ABCB7: variants seen among roughly 807,000 people sequenced by gnomAD.
ABCB7 encodes ATP binding cassette subfamily B member 7, also known as iron-sulfur clusters transporter ABCB7, mitochondrial.
In ABCB7, 7 loss-of-function variants were observed where a neutral mutation model predicts 54.4. That is an observed-to-expected ratio of 0.13 (90% CI 0.07 to 0.24). The LOEUF (loss-of-function observed/expected upper bound fraction) is 0.24. Among genes scored for constraint, ABCB7 ranks in the 10% least tolerant of loss-of-function variants. The pLI is 1.00. For missense variants in ABCB7, 356 were observed against 570.4 expected, an observed-to-expected ratio of 0.62 and a Z score of 3.83; for synonymous variants, 218 against 207.1, an observed-to-expected ratio of 1.05 and a Z score of -0.45.
At chrX:75,139,233 G>A (rs2082037502) in intron 1 of ABCB7, among the ~76,000 whole-genome samples, 1 of 111,072 alleles carries the variant, frequency 9.0e-6, no homozygotes, top group African/African-American at 3.3e-5. Flanking sequence ...AAACACCCTT[G>A]GAATGGTATT....
intron 1 of ABCB7, among the ~76,000 whole-genome samples, chrX:75,115,266 C>CAAAAAAAAAAAAAAAAA (rs1160024642): frequency 3.8e-4 from 5 of 13,250 alleles, no homozygotes; most frequent in Admixed American, 2.0e-3. Flanking sequence ...GACTCTGTCT[C>CAAAAAAAAAAAAAAAAA]AAAAAAAAAA....
Position 75,115,410 on chromosome X carries a change from C to CTTTTTT in ABCB7, c.169-585_169-580dup, listed in dbSNP as rs747398607. 6.7e-3 allele frequency among the ~76,000 whole-genome samples: 200 copies of CTTTTTT among 30,019 alleles called. 2 individuals are homozygous for CTTTTTT. The highest frequency in any genetic ancestry group is 0.014 in the African/African-American group (78 of 5,507). The allele number at this position is 30,019 out of a possible 115,157, so 26.1% of individuals were successfully genotyped here. On this transcript the variant is annotated intron_variant, in intron 1 of 15. Transcript: ENST00000373394. ...TTTCTTTCTGGTTTCTGTCTCTTTT[C>CTTTTTT]TTTTTTTTTTTTTTTTTTTTTTTTT...
intron 1 of ABCB7, among the ~76,000 whole-genome samples, chrX:75,145,023 A>G (rs1275240118): frequency 9.1e-6 from 1 of 110,396 alleles, no homozygotes; most frequent in Non-Finnish European, 1.9e-5. Flanking sequence ...GTATGGGAGG[A>G]TCTCCATGAA....
rs2081793251 is a variant in ABCB7, at chrX:75,114,747, A to G, written c.246+7T>C. On this transcript the variant is annotated splice_region_variant and intron_variant, in intron 2 of 15. Transcript: ENST00000373394. ...AGCTATATGTAGACATGTTTGCTCA[A>G]TCTTACCTTTGCAGCATCTAAGAAC... 8.4e-7 allele frequency: 1 copy of G among 1,195,530 alleles called. No individual in the cohort carries two copies. Among genetic ancestry groups the G allele is most frequent in the African/African-American group, 1.7e-5 (1 of 57,425 alleles).
chrX:75,122,609 T>C (rs1467236617), intron 1 of ABCB7, among the ~76,000 whole-genome samples: 1 of 112,392 alleles, frequency 8.9e-6, no homozygotes, highest in East Asian at 2.8e-4. Context: ...TTTTCCAAAA[T>C]GGTTTTCTCA....
At chrX:75,129,285 T>C (rs2081957655) in intron 1 of ABCB7, among the ~76,000 whole-genome samples, 1 of 111,411 alleles carries the variant, frequency 9.0e-6, no homozygotes, top group Admixed American at 9.6e-5. Context: ...GATGAGTTAA[T>C]GTCCTTTGCA....
At chrX:75,085,586 T>C (rs1489885158) in intron 4 of ABCB7, among the ~76,000 whole-genome samples, 1 of 110,842 alleles carries the variant, frequency 9.0e-6, no homozygotes, top group Non-Finnish European at 1.9e-5. Flanking sequence ...GTGCACTCCA[T>C]TGAATGTACA....
intron 1 of ABCB7, among the ~76,000 whole-genome samples, chrX:75,136,547 A>C (rs1419953741): frequency 1.8e-5 from 2 of 111,980 alleles, no homozygotes; most frequent in Non-Finnish European, 3.8e-5. Context: ...ATCCTAAGCA[A>C]AAGCAAAAAC....
chrX:75,064,633 G>A (rs1183929337), intron 13 of ABCB7, among the ~76,000 whole-genome samples: 1 of 111,417 alleles, frequency 9.0e-6, no homozygotes, highest in Admixed American at 9.6e-5. Flanking sequence ...CAAATATAAA[G>A]AGGTCTCAAG....
intron 1 of ABCB7, among the ~76,000 whole-genome samples, chrX:75,119,877 T>C (rs1226984195): frequency 8.9e-6 from 1 of 112,236 alleles, no homozygotes; most frequent in Non-Finnish European, 1.9e-5. Flanking sequence ...AGACAATTGT[T>C]GTCTTGTTCT....
chrX:75,149,613 C>T (rs958308495), intron 1 of ABCB7, among the ~76,000 whole-genome samples: 1 of 111,505 alleles, frequency 9.0e-6, no homozygotes, highest in Non-Finnish European at 1.9e-5. Context: ...ATGTAACATA[C>T]CGTGCCTAGC....
At chrX:75,118,156 G>A (rs753664249) in intron 1 of ABCB7, among the ~76,000 whole-genome samples, 1 of 111,766 alleles carries the variant, frequency 8.9e-6, no homozygotes, top group East Asian at 2.8e-4. Flanking sequence ...GGTCAGTCAC[G>A]TCCTTGGAAG....
intron 2 of ABCB7, 47 bp downstream of exon 2, chrX:75,114,707 T>G: frequency 9.1e-7 from 1 of 1,093,019 alleles, no homozygotes; most frequent in Non-Finnish European, 1.3e-6. Context: ...CTCCAAGGGT[T>G]TACAGGTTTT....
At chrX:75,117,906 C>T (rs2081837699) in intron 1 of ABCB7, among the ~76,000 whole-genome samples, 1 of 111,880 alleles carries the variant, frequency 8.9e-6, no homozygotes, top group African/African-American at 3.3e-5. Flanking sequence ...CTTTCCTTTC[C>T]TTTCTCTCTC....
chrX:75,148,536 G>T (rs926744822), intron 1 of ABCB7, among the ~76,000 whole-genome samples: 2 of 110,681 alleles, frequency 1.8e-5, no homozygotes, highest in African/African-American at 6.6e-5. Flanking sequence ...ATATGTTGAA[G>T]TCCTAACCTC....
At chrX:75,127,743 A>C (rs1345163931) in intron 1 of ABCB7, among the ~76,000 whole-genome samples, 1 of 112,329 alleles carries the variant, frequency 8.9e-6, no homozygotes, top group East Asian at 2.8e-4. Context: ...TGCAAAAATC[A>C]CAACCATTCC....
chrX:75,112,450 A>G (rs2081768830), intron 3 of ABCB7, among the ~76,000 whole-genome samples: 1 of 111,924 alleles, frequency 8.9e-6, no homozygotes, highest in South Asian at 3.8e-4. Context: ...AAGAATGTGG[A>G]TAACTAGGTG....
intron 9 of ABCB7, 138 bp downstream of exon 9, chrX:75,071,371 A>T (rs2081362243): frequency 1.4e-6 from 1 of 696,105 alleles, no homozygotes; most frequent in Non-Finnish European, 2.2e-6. Context: ...ATACATTCTG[A>T]TACAGAGAAA....
intron 15 of ABCB7, among the ~76,000 whole-genome samples, chrX:75,055,766 T>C (rs1025642088): frequency 4.5e-5 from 5 of 110,571 alleles, no homozygotes; most frequent in Admixed American, 9.7e-5. Context: ...GTTTGTGACA[T>C]TGATATTTCT....
Sources: allele counts gnomAD v4.1 joint callset (sites outside exome capture counted in the v4.1 genomes callset), GRCh38; gene constraint gnomAD v4.1.1; transcripts MANE v1.5; gene names NCBI Gene and HGNC (gene_info 2026-07-23, HGNC 2026-07-21).